GSE1: variants seen among roughly 807,000 people sequenced by gnomAD.
GSE1 encodes the protein Gse1 coiled-coil protein.
GSE1 carries 32 observed loss-of-function variants against 112.6 expected under a neutral mutation model. That is an observed-to-expected ratio of 0.28 (90% CI 0.21 to 0.38). The LOEUF is 0.38. GSE1 is among the 10% of genes least tolerant of loss of function. The pLI, the probability that GSE1 is intolerant of heterozygous loss-of-function variation, is 1.00. For missense variants in GSE1, 2,348 were observed against 1,699.2 expected (o/e 1.38, Z -6.71); for synonymous variants, 1,115 against 735.6 (o/e 1.52, Z -8.35).
chr16:85,247,024 T>C (rs60259092), intron 1 of GSE1, among the ~76,000 whole-genome samples: 120 of 152,218 alleles, frequency 7.9e-4, no homozygotes, highest in African/African-American at 2.8e-3. Flanking sequence ...CACCGCCTTC[T>C]TCTCTGACCC....
At chr16:85,626,808 T>G (rs1258020666) in intron 1 of GSE1, among the ~76,000 whole-genome samples, 1 of 152,020 alleles carries the variant, frequency 6.6e-6, no homozygotes, top group Non-Finnish European at 1.5e-5. Context: ...CGCTGATTAA[T>G]AAGCCCCTCC....
At chr16:85,274,997 T>C (rs1909215080) in intron 1 of GSE1, among the ~76,000 whole-genome samples, 1 of 152,216 alleles carries the variant, frequency 6.6e-6, no homozygotes, top group South Asian at 2.1e-4. Context: ...CTCAAAGCGT[T>C]CCTTATTAGA....
chr16:85,520,952 G>A (rs1037249963), intron 2 of GSE1, among the ~76,000 whole-genome samples: 1 of 152,198 alleles, frequency 6.6e-6, no homozygotes, highest in African/African-American at 2.4e-5. Context: ...CCTGGATGGA[G>A]GTGGCTTGGC....
chr16:85,587,976 C>T (rs549837255), intron 1 of GSE1, among the ~76,000 whole-genome samples: 2 of 152,262 alleles, frequency 1.3e-5, no homozygotes, highest in Admixed American at 6.5e-5. Context: ...TGGATGCCCT[C>T]GGTCATCGTA....
chr16:85,391,868 C>T (rs924247180), intron 2 of GSE1, among the ~76,000 whole-genome samples: 1 of 152,162 alleles, frequency 6.6e-6, no homozygotes, highest in Non-Finnish European at 1.5e-5. Flanking sequence ...TCTGGACTTG[C>T]TATGCTGGAA....
At chr16:85,466,581 C>G (rs949108557) in intron 2 of GSE1, among the ~76,000 whole-genome samples, 44 of 152,190 alleles carry the variant, frequency 2.9e-4, no homozygotes, top group African/African-American at 1.0e-3. Flanking sequence ...CTTTGGCATT[C>G]TTGAAGACTC....
chr16:85,319,933 C>G (rs1265113090), intron 1 of GSE1, among the ~76,000 whole-genome samples: 8 of 152,230 alleles, frequency 5.3e-5, no homozygotes, highest in African/African-American at 1.9e-4. Flanking sequence ...CATGGGTAAG[C>G]TTTCCCTGGG....
chr16:85,518,803 C>T (rs576752543), intron 2 of GSE1, among the ~76,000 whole-genome samples: 66 of 152,238 alleles, frequency 4.3e-4, no homozygotes, highest in South Asian at 2.3e-3. Flanking sequence ...CCTATCCTTA[C>T]GCAAGACTGA....
chr16:85,232,561 T>C (rs1362934850), intron 1 of GSE1, among the ~76,000 whole-genome samples: 2 of 152,160 alleles, frequency 1.3e-5, no homozygotes, highest in Admixed American at 6.5e-5. Flanking sequence ...AGAGCCCTGG[T>C]CTCCTGCCAT....
At chr16:85,438,925 G>A (rs925285429) in intron 2 of GSE1, among the ~76,000 whole-genome samples, 4 of 152,186 alleles carry the variant, frequency 2.6e-5, no homozygotes, top group Non-Finnish European at 4.4e-5. Flanking sequence ...TCCCCCCGCG[G>A]CCTCCTGCCT....
At chr16:85,629,755 C>G (rs1302517528) in intron 1 of GSE1, among the ~76,000 whole-genome samples, 5 of 152,152 alleles carry the variant, frequency 3.3e-5, no homozygotes, top group South Asian at 2.1e-4. Flanking sequence ...TTTGGAGACT[C>G]TGGGTGAAGA....
At chr16:85,215,208 C>T (rs1162801807) in intron 1 of GSE1, among the ~76,000 whole-genome samples, 3 of 152,186 alleles carry the variant, frequency 2.0e-5, no homozygotes, top group African/African-American at 4.8e-5. Context: ...TGATTTGGGT[C>T]ATTTAACTGC....
chr16:85,193,105 C>T (rs931118375), intron 1 of GSE1, among the ~76,000 whole-genome samples: 8 of 152,276 alleles, frequency 5.3e-5, no homozygotes, highest in East Asian at 1.9e-4. Context: ...ACCCAGCCAT[C>T]GGACTTCAAA....
chr16:85,287,845 G>T (rs2045083952), intron 1 of GSE1, among the ~76,000 whole-genome samples: 1 of 152,146 alleles, frequency 6.6e-6, no homozygotes, highest in Non-Finnish European at 1.5e-5. Context: ...TCCATGGCTG[G>T]TCTGTTTTGT....
intron 2 of GSE1, among the ~76,000 whole-genome samples, chr16:85,426,203 A>ATGGC (rs1306837299): frequency 6.8e-6 from 1 of 146,618 alleles, no homozygotes; most frequent in Non-Finnish European, 1.5e-5. Flanking sequence ...GGATGGCTGG[A>ATGGC]TGGATGGATG....
intron 1 of GSE1, among the ~76,000 whole-genome samples, chr16:85,217,258 G>A (rs2075320003): frequency 6.6e-6 from 1 of 152,248 alleles, no homozygotes; most frequent in South Asian, 2.1e-4. Flanking sequence ...AGGGTGGGAG[G>A]CAGGAGGAGG....
chr16:85,282,544 C>G (rs8061626), intron 1 of GSE1, among the ~76,000 whole-genome samples: 53,057 of 152,086 alleles, frequency 0.35, 9,521 homozygotes, highest in Non-Finnish European at 0.41. Context: ...CAGAGTCGCA[C>G]AGGATCGGGG....
intron 1 of GSE1, among the ~76,000 whole-genome samples, chr16:85,225,493 T>G (rs1032692258): frequency 6.6e-6 from 1 of 152,162 alleles, no homozygotes; most frequent in Non-Finnish European, 1.5e-5. Context: ...CTTGGAGCAC[T>G]TAGCTCACAC....
intron 1 of GSE1, among the ~76,000 whole-genome samples, chr16:85,216,100 C>T (rs758057557): frequency 5.9e-5 from 9 of 152,232 alleles, no homozygotes; most frequent in South Asian, 2.1e-4. Flanking sequence ...CAGGACTGAG[C>T]GAGAGGGTGG....
Sources: gnomAD v4.1 joint callset for allele counts (sites outside exome capture counted in the v4.1 genomes callset) on GRCh38, gnomAD v4.1.1 for gene constraint, MANE v1.5 for transcripts, NCBI Gene and HGNC (gene_info 2026-07-23, HGNC 2026-07-21) for gene names.